Variants in USP24 observed in about 807,000 individuals in gnomAD.
USP24 encodes the protein ubiquitin specific peptidase 24.
In USP24, 97 loss-of-function variants were observed where a neutral mutation model predicts 361.6. That is an observed-to-expected ratio of 0.27 (90% confidence interval 0.23 to 0.32). The LOEUF (loss-of-function observed/expected upper bound fraction) is 0.32, where lower values mean the gene tolerates loss of function less well. Among genes scored for constraint, USP24 ranks in the 10% least tolerant of loss-of-function variants. USP24 has a pLI of 1.00. For missense variants in USP24, 2,353 were observed against 3,165.6 expected (o/e 0.74, Z 6.16); for synonymous variants, 1,098 against 1,124.6 (o/e 0.98, Z 0.47).
intron 16 of USP24, among the ~76,000 whole-genome samples, chr1:55,152,593 A>G (rs567525335): frequency 6.6e-6 from 1 of 152,334 alleles, no homozygotes; most frequent in South Asian, 2.1e-4. Context: ...ATGAATTTTA[A>G]TCATAAGGAG....
At chr1:55,197,350 C>T (rs1323843818) in intron 1 of USP24, among the ~76,000 whole-genome samples, 1 of 152,140 alleles carries the variant, frequency 6.6e-6, no homozygotes, top group Non-Finnish European at 1.5e-5. Flanking sequence ...TGTCTGTCTC[C>T]CCTCATTAGG....
chr1:55,164,957 C>T (rs185736445), intron 7 of USP24, among the ~76,000 whole-genome samples: 1 of 152,184 alleles, frequency 6.6e-6, no homozygotes, highest in East Asian at 1.9e-4. Context: ...TAATTAACTT[C>T]CAGGGAAGCA....
intron 54 of USP24, among the ~76,000 whole-genome samples, chr1:55,090,698 C>T (rs1314158695): frequency 3.3e-5 from 5 of 152,194 alleles, no homozygotes; most frequent in Non-Finnish European, 5.9e-5. Context: ...AACCACTGCT[C>T]AATACTCTTC....
intron 42 of USP24, among the ~76,000 whole-genome samples, chr1:55,102,940 T>C (rs931008227): frequency 1.3e-5 from 2 of 152,196 alleles, no homozygotes; most frequent in African/African-American, 4.8e-5. Flanking sequence ...TGCCAAGTGC[T>C]ACTCCCTCTA....
intron 63 of USP24, 132 bp from the exon 64 acceptor site, chr1:55,074,038 A>G: frequency 3.1e-6 from 2 of 646,268 alleles, no homozygotes; most frequent in Non-Finnish European, 5.2e-6. Flanking sequence ...CTTAACTAAA[A>G]GCATGGTGGT....
At chr1:55,128,413 T>C (rs115613786) in intron 32 of USP24, among the ~76,000 whole-genome samples, 420 of 152,286 alleles carry the variant, frequency 2.8e-3, no homozygotes, top group Middle Eastern at 0.01. Flanking sequence ...GAGACCCTTC[T>C]TGACATGTTT....
Position 55,096,541 on chromosome 1 carries a change from A to G in USP24, c.6018T>C (p.Tyr2006=). The G allele has an allele frequency of 6.2e-7, 1 of 1,612,502 alleles. No individual in the cohort carries two copies. The highest frequency in any genetic ancestry group is 8.5e-7 in the Non-Finnish European group (1 of 1,179,346). The change falls in exon 50 of 68, where the codon TAT becomes TAC. Residue 2006 remains tyrosine (Y), a synonymous_variant. Coordinates refer to ENST00000294383, the MANE Select transcript of USP24 (RefSeq NM_015306.3). ...EFDLNDETLE[Y]ECFGGEYRPK... is the part of the protein sequence containing the mutation. ...GTCTATATTCTCCTCCAAAGCATTC[A>G]TACTCCAGGGTCTCGTCATTTAGGT...
Position 55,075,653 on chromosome 1 carries a change from AC to A in USP24, c.7381-131del, listed in dbSNP as rs1557525712. ...AACAACAACAACAACAACAACAACAACAACAACAACAACACCACCACCACCA... is the reference window on the plus strand; with the variant it reads ...AACAACAACAACAACAACAACAACAAAACAACAACAACACCACCACCACCA... On this transcript the variant is annotated intron_variant, in intron 62 of 67. Coordinates refer to ENST00000294383, the MANE Select transcript of USP24 (RefSeq NM_015306.3). The A allele has an allele frequency of 1.5e-4, 77 of 504,792 alleles. 1 individual carries two copies. The highest frequency in any genetic ancestry group is 1.7e-4 in the South Asian group (8 of 45,772). The allele number at this position is 504,792 out of a possible 1,614,324, so 31.3% of individuals were successfully genotyped here. A position where few individuals can be genotyped will look rare whatever the true frequency, so the allele number is the denominator to read the frequency against.
chr1:55,184,507 A>G (rs1235669740), intron 1 of USP24, among the ~76,000 whole-genome samples: 1 of 152,368 alleles, frequency 6.6e-6, no homozygotes, highest in East Asian at 1.9e-4. Flanking sequence ...TAATAGTTGG[A>G]GACTTCAATA....
chr1:55,110,317 A>AC, intron 38 of USP24, 71 bp from the exon 39 acceptor site: 1 of 1,276,990 alleles, frequency 7.8e-7, no homozygotes. Context: ...TCCTTGTAAG[A>AC]ACAAATTCAT....
chr1:55,125,308 C>A lies in USP24; in HGVS notation c.3960+12G>T. ...GAGGGACTAAAATGTCTTGAATACA[C>A]AAATCACTTACTTGTATTGCAACTC... On this transcript the variant is annotated intron_variant, in intron 34 of 67. Coordinates refer to ENST00000294383, the MANE Select transcript of USP24 (RefSeq NM_015306.3). 1 of 1,611,532 alleles carries A rather than the reference C, an allele frequency of 6.2e-7. No individual in the cohort carries two copies. The highest frequency in any genetic ancestry group is 8.5e-7 in the Non-Finnish European group (1 of 1,177,694).
At chr1:55,122,101 T>C (rs1163811789) in intron 36 of USP24, among the ~76,000 whole-genome samples, 1 of 152,114 alleles carries the variant, frequency 6.6e-6, no homozygotes, top group Non-Finnish European at 1.5e-5. Context: ...TTCAATCTAG[T>C]TGGGGAGGAG....
rs535715253 is a variant in USP24 at position 55,106,757 on chromosome 1, G to A, written c.4762+482C>T. ...AGCTTGGTTTGTGTTATAAAAGAGA[G>A]AGTTAATTTTTCATTTGTCTTCTGA... On this transcript the variant is annotated intron_variant, in intron 40 of 67. Coordinates refer to ENST00000294383, the MANE Select transcript of USP24 (RefSeq NM_015306.3). Among the ~76,000 whole-genome samples, 232 of 152,276 alleles carry A rather than the reference G, an allele frequency of 1.5e-3. 1 individual carries two copies. The highest frequency in any genetic ancestry group is 5.1e-3 in the African/African-American group (212 of 41,548).
chr1:55,097,768 A>G (rs1404331409), intron 47 of USP24, 51 bp from the exon 48 acceptor site: 10 of 1,515,526 alleles, frequency 6.6e-6, no homozygotes, highest in Non-Finnish European at 8.8e-6. Context: ...CTCCATGGAG[A>G]AAATAAAACA....
chr1:55,081,423 A>C lies in USP24; in HGVS notation c.6977T>G (p.Ile2326Arg). The change falls in exon 59 of 68, where the codon ATA becomes AGA. Residue 2326 changes from isoleucine to arginine, a missense_variant and splice_region_variant. This residue lies in a region of USP24 where 598 missense variants were observed against 761.9 expected (regional missense o/e 0.78). Coordinates refer to ENST00000294383, the MANE Select transcript of USP24 (RefSeq NM_015306.3). The part of the protein sequence containing the change: ...LLGASRQNNQ[I>R]RRWSSAQARE... The stretch of plus-strand genomic sequence containing the variant: ...TGCTTGTGCTGAACTCCATCGACGT[A>C]TCTGTCATCAGGGAAGATAAAGTGG... 1 of 1,613,488 alleles carries C rather than the reference A, an allele frequency of 6.2e-7. No homozygotes were observed. The highest frequency in any genetic ancestry group is 8.5e-7 in the Non-Finnish European group (1 of 1,179,538).
At chr1:55,191,307 T>C (rs1052445335) in intron 1 of USP24, among the ~76,000 whole-genome samples, 13 of 152,190 alleles carry the variant, frequency 8.5e-5, no homozygotes, top group African/African-American at 3.1e-4. Flanking sequence ...ACTTCCTAAA[T>C]ATGTAATTTT....
At chr1:55,140,783 AAAT>A (rs1316715917) in intron 24 of USP24, among the ~76,000 whole-genome samples, 8 of 152,204 alleles carry the variant, frequency 5.3e-5, no homozygotes, top group Admixed American at 3.3e-4. Flanking sequence ...GTTTTCTGGG[AAAT>A]AATGACGTGG....
At chr1:55,121,395 A>C (rs779274217) in intron 37 of USP24, 41 bp downstream of exon 37, 10 of 1,569,944 alleles carry the variant, frequency 6.4e-6, no homozygotes, top group Non-Finnish European at 8.7e-6. Flanking sequence ...ACAAAACAAC[A>C]GGACCAAAGG....
intron 20 of USP24, among the ~76,000 whole-genome samples, chr1:55,144,866 G>A (rs1195963542): frequency 3.9e-5 from 6 of 152,152 alleles, no homozygotes; most frequent in South Asian, 4.1e-4. Flanking sequence ...CCTGGGAAGT[G>A]GAGGTTGCAG....
Sources: gnomAD v4.1 joint callset for allele counts (sites outside exome capture counted in the v4.1 genomes callset) on GRCh38, gnomAD v4.1.1 for gene constraint, gnomAD v4.1.1 regional missense constraint, MANE v1.5 for transcripts, NCBI Gene and HGNC (gene_info 2026-07-23, HGNC 2026-07-21) for gene names.